Variants in C1QTNF3 observed in about 807,000 individuals in gnomAD.
C1QTNF3 encodes the protein complement C1q tumor necrosis factor-related protein 3.
In C1QTNF3, 26 loss-of-function variants were observed where a neutral mutation model predicts 32.6. The observed-to-expected ratio is 0.80, with a 90% CI of 0.58 to 1.11. The LOEUF (loss-of-function observed/expected upper bound fraction) is 1.11. C1QTNF3 is among the 50% of genes least tolerant of loss of function. C1QTNF3 has a pLI of 0.00. For missense variants in C1QTNF3, 362 were observed against 398.2 expected, an observed-to-expected ratio of 0.91 and a Z score of 0.77; for synonymous variants, 155 against 146.0, an observed-to-expected ratio of 1.06 and a Z score of -0.44.
At chr5:34,202,855 C>A in the C1QTNF3 span, among the ~76,000 whole-genome samples, 2 of 151,742 alleles carry the variant, frequency 1.3e-5, no homozygotes, top group Non-Finnish European at 2.9e-5. Flanking sequence ...CTAAACCTCT[C>A]TCAGCTTCAG....
chr5:34,120,593 T>C, the C1QTNF3 span, among the ~76,000 whole-genome samples: 2 of 152,146 alleles, frequency 1.3e-5, no homozygotes, highest in Non-Finnish European at 2.9e-5. Context: ...TAGGAGGTAA[T>C]TGAATCATAG....
chr5:34,114,482 C>A, the C1QTNF3 span, among the ~76,000 whole-genome samples: 3 of 152,112 alleles, frequency 2.0e-5, no homozygotes, highest in African/African-American at 7.2e-5. Flanking sequence ...TTCAAACTAT[C>A]AAATCACTGA....
chr5:34,215,549 C>T, the C1QTNF3 span, among the ~76,000 whole-genome samples: 142 of 152,286 alleles, frequency 9.3e-4, no homozygotes, highest in Non-Finnish European at 1.8e-3. Flanking sequence ...ATTTTGTATA[C>T]GCCTTTGTAC....
At chr5:34,050,734 G>C in the C1QTNF3 span, among the ~76,000 whole-genome samples, 2 of 152,108 alleles carry the variant, frequency 1.3e-5, no homozygotes, top group Admixed American at 1.3e-4. Flanking sequence ...ATGGCACAGG[G>C]ATCCATCATC....
upstream of C1QTNF3, among the ~76,000 whole-genome samples, chr5:34,047,238 C>T (rs1755002144): frequency 6.6e-6 from 1 of 152,244 alleles, no homozygotes; most frequent in South Asian, 2.1e-4. Flanking sequence ...TCCTGCCTGC[C>T]TTGGCCCCAA....
chr5:34,194,471 C>T, the C1QTNF3 span, among the ~76,000 whole-genome samples: 1 of 152,230 alleles, frequency 6.6e-6, no homozygotes, highest in Admixed American at 6.6e-5. Context: ...GGACGCTTTT[C>T]GGGTAGATCC....
At chr5:34,147,996 T>C in the C1QTNF3 span, among the ~76,000 whole-genome samples, 7 of 152,048 alleles carry the variant, frequency 4.6e-5, no homozygotes, top group Admixed American at 2.6e-4. Flanking sequence ...CCAGTGTGTG[T>C]GCGCACCATG....
At chr5:34,222,159 G>A in the C1QTNF3 span, among the ~76,000 whole-genome samples, 1 of 151,082 alleles carries the variant, frequency 6.6e-6, no homozygotes, top group African/African-American at 2.4e-5. Flanking sequence ...AGATATTAGG[G>A]GAAAAAAAAC....
the C1QTNF3 span, among the ~76,000 whole-genome samples, chr5:34,159,356 T>C: frequency 3.9e-5 from 6 of 152,110 alleles, no homozygotes; most frequent in Non-Finnish European, 8.8e-5. Flanking sequence ...TCATTATTTA[T>C]TTTAATGTCT....
At chr5:34,240,381 T>C in the C1QTNF3 span, among the ~76,000 whole-genome samples, 3 of 150,118 alleles carry the variant, frequency 2.0e-5, no homozygotes, top group African/African-American at 4.9e-5. Context: ...TTTAGCTAGA[T>C]AAACAAAGAA....
At chr5:34,031,661 C>T (rs961001417) in intron 3 of C1QTNF3, among the ~76,000 whole-genome samples, 2 of 152,020 alleles carry the variant, frequency 1.3e-5, no homozygotes, top group Admixed American at 6.6e-5. Context: ...AGAGAAATGC[C>T]GTCTCTACTA....
At chr5:34,226,718 G>C in the C1QTNF3 span, among the ~76,000 whole-genome samples, 2 of 151,302 alleles carry the variant, frequency 1.3e-5, no homozygotes, top group South Asian at 2.1e-4. Flanking sequence ...ACTAAACTAA[G>C]AGCCTACTGT....
At chr5:34,092,159 G>A in the C1QTNF3 span, among the ~76,000 whole-genome samples, 1 of 151,818 alleles carries the variant, frequency 6.6e-6, no homozygotes, top group Non-Finnish European at 1.5e-5. Context: ...CTGTCTTATA[G>A]ATATATTATT....
chr5:34,208,763 A>G, the C1QTNF3 span, among the ~76,000 whole-genome samples: 1 of 152,330 alleles, frequency 6.6e-6, no homozygotes, highest in South Asian at 2.1e-4. Context: ...TACAGTCACT[A>G]TATTAACTAT....
At chr5:34,154,388 G>A in the C1QTNF3 span, among the ~76,000 whole-genome samples, 2 of 152,066 alleles carry the variant, frequency 1.3e-5, no homozygotes, top group African/African-American at 4.8e-5. Flanking sequence ...AATCTAGTGG[G>A]TAATACCCAT....
chr5:34,170,732 A>T, the C1QTNF3 span, among the ~76,000 whole-genome samples: 1 of 152,142 alleles, frequency 6.6e-6, no homozygotes, highest in African/African-American at 2.4e-5. Flanking sequence ...CGGTGATAAC[A>T]TCTCTCTCCT....
At chr5:34,160,816 A>G in the C1QTNF3 span, among the ~76,000 whole-genome samples, 1 of 152,208 alleles carries the variant, frequency 6.6e-6, no homozygotes, top group Non-Finnish European at 1.5e-5. Flanking sequence ...CAGAGAGACT[A>G]AGAGAGAGGG....
chr5:34,214,556 G>A, the C1QTNF3 span, among the ~76,000 whole-genome samples: 1 of 151,656 alleles, frequency 6.6e-6, no homozygotes, highest in Non-Finnish European at 1.5e-5. Flanking sequence ...TACTATTTAA[G>A]TGCCACATTC....
At chr5:34,097,526 C>T in the C1QTNF3 span, among the ~76,000 whole-genome samples, 1 of 113,970 alleles carries the variant, frequency 8.8e-6, no homozygotes, top group Admixed American at 9.6e-5. Flanking sequence ...TGGAGCTTGA[C>T]CTGAATCCAA....
Sources: gnomAD v4.1 joint callset for allele counts (sites outside exome capture counted in the v4.1 genomes callset) on GRCh38, gnomAD v4.1.1 for gene constraint, MANE v1.5 for transcripts, NCBI Gene and HGNC (gene_info 2026-07-23, HGNC 2026-07-21) for gene names.